The following SERPINB12 variants were observed in gnomAD, a reference collection of about 807,000 sequenced individuals.
The protein encoded by SERPINB12 is serpin family B member 12.
A neutral mutation model predicts 41.1 loss-of-function variants in SERPINB12; 57 were observed. The ratio of observed to expected loss-of-function variants is 1.39; its 90% CI spans 1.12 to 1.73. The LOEUF (loss-of-function observed/expected upper bound fraction) is 1.73, where lower values mean the gene tolerates loss of function less well. SERPINB12 is among the 40% of genes most tolerant of loss of function. The pLI, the probability that SERPINB12 is intolerant of heterozygous loss-of-function variation, is 0.00. For missense variants in SERPINB12, 536 were observed against 501.9 expected (o/e 1.07, Z -0.65); for synonymous variants, 180 against 181.3 (o/e 0.99, Z 0.06).
At chr18:63,532,655 T>TA in the SERPINB12 span, among the ~76,000 whole-genome samples, 1 of 152,168 alleles carries the variant, frequency 6.6e-6, no homozygotes, top group Non-Finnish European at 1.5e-5. Context: ...TGTTTGAGAT[T>TA]AAAGAGGTTG....
At chr18:63,530,634 G>A in the SERPINB12 span, among the ~76,000 whole-genome samples, 14 of 152,246 alleles carry the variant, frequency 9.2e-5, no homozygotes, top group East Asian at 1.7e-3. Flanking sequence ...CTCAATGCCC[G>A]ATGTCAAGTT....
the SERPINB12 span, among the ~76,000 whole-genome samples, chr18:63,523,372 C>T: frequency 5.9e-5 from 9 of 152,158 alleles, no homozygotes; most frequent in Non-Finnish European, 1.2e-4. Flanking sequence ...ATATTTGTTT[C>T]CTAGGCCAAT....
At chr18:63,563,374 A>T (rs186535243) in intron 5 of SERPINB12, among the ~76,000 whole-genome samples, 161 of 152,342 alleles carry the variant, frequency 1.1e-3, no homozygotes, top group Non-Finnish European at 1.7e-3. Context: ...AAGATAAACC[A>T]TAGTATAAGA....
Position 63,568,626 on chromosome 18 carries a change from C to T in SERPINB12, c.*1615C>T, listed in dbSNP as rs1911193193. Among the ~76,000 whole-genome samples, 3 of 152,098 alleles carry T rather than the reference C, an allele frequency of 2.0e-5. No individual in the cohort carries two copies. In the South Asian group the frequency reaches 6.2e-4, roughly 32 times the overall value. ...CATCTCTTTGGAGTCAGTCTCTTTCCTATCGAGGTGGGTTTCAGGTCTTGC... is the reference window on the plus strand; with the variant it reads ...CATCTCTTTGGAGTCAGTCTCTTTCTTATCGAGGTGGGTTTCAGGTCTTGC... On this transcript the variant is annotated 3_prime_UTR_variant, in exon 8 of 8. Coordinates refer to ENST00000382768, the MANE Select transcript of SERPINB12 (RefSeq NM_001307928.2).
chr18:63,546,651 T>C (rs1269328597), intron 1 of SERPINB12, among the ~76,000 whole-genome samples: 1 of 152,208 alleles, frequency 6.6e-6, no homozygotes, highest in East Asian at 1.9e-4. Context: ...AAATTTGAAT[T>C]GAAAAGTGTG....
intron 6 of SERPINB12, 33 bp from the exon 7 acceptor site, chr18:63,565,412 C>T (rs752608973): frequency 1.9e-6 from 3 of 1,593,926 alleles, no homozygotes; most frequent in Non-Finnish European, 8.6e-7. Context: ...TTTCCCATAG[C>T]CGTCCTGTGA....
chr18:63,537,788 C>T (rs1225525356), upstream of SERPINB12, among the ~76,000 whole-genome samples: 2 of 152,114 alleles, frequency 1.3e-5, no homozygotes, highest in Non-Finnish European at 2.9e-5. Flanking sequence ...CACTTAATGA[C>T]TAATCTTCAG....
Position 63,568,590 on chromosome 18 carries a change from C to T in SERPINB12, c.*1579C>T, listed in dbSNP as rs1477921991. On this transcript the variant is annotated 3_prime_UTR_variant, in exon 8 of 8. Coordinates refer to ENST00000382768, the MANE Select transcript of SERPINB12 (RefSeq NM_001307928.2). Reference sequence around the variant, plus strand: ...GAATGTTCTGCCATGACCACTGACACGTCCAACTCACATCTCTTTGGAGTC... The same window carrying T: ...GAATGTTCTGCCATGACCACTGACATGTCCAACTCACATCTCTTTGGAGTC... Among the ~76,000 whole-genome samples, 1 of 152,130 alleles carries T rather than the reference C, an allele frequency of 6.6e-6. No individual in the cohort carries two copies. The highest frequency in any genetic ancestry group is 6.6e-5 in the Admixed American group (1 of 15,266).
At chr18:63,540,684 A>C (rs568006655), upstream of SERPINB12, among the ~76,000 whole-genome samples, 219 of 152,292 alleles carry the variant, frequency 1.4e-3, no homozygotes, top group African/African-American at 4.7e-3. Flanking sequence ...TAACACCTTG[A>C]TATTCTATGC....
At chr18:63,550,460 T>C (rs1910495669) in intron 1 of SERPINB12, among the ~76,000 whole-genome samples, 1 of 152,220 alleles carries the variant, frequency 6.6e-6, no homozygotes, top group South Asian at 2.1e-4. Flanking sequence ...TGTCTTAAAA[T>C]TAAATGCCAT....
At chr18:63,528,056 G>A in the SERPINB12 span, among the ~76,000 whole-genome samples, 1 of 152,066 alleles carries the variant, frequency 6.6e-6, no homozygotes, top group African/African-American at 2.4e-5. Flanking sequence ...CTTCCACCAT[G>A]ATTGTGAGGC....
rs1320572262 is a variant in SERPINB12 at position 63,568,608 on chromosome 18, T to C, written c.*1597T>C. 2.0e-5 allele frequency among the ~76,000 whole-genome samples: 3 copies of C among 152,130 alleles called. No individual in the cohort carries two copies. The highest frequency in any genetic ancestry group is 7.2e-5 in the African/African-American group (3 of 41,426). On this transcript the variant is annotated 3_prime_UTR_variant, in exon 8 of 8. Transcript: ENST00000382768. ...ACTGACACGTCCAACTCACATCTCTTTGGAGTCAGTCTCTTTCCTATCGAG... is the reference window on the plus strand; with the variant it reads ...ACTGACACGTCCAACTCACATCTCTCTGGAGTCAGTCTCTTTCCTATCGAG...
the SERPINB12 span, among the ~76,000 whole-genome samples, chr18:63,520,245 A>G: frequency 6.6e-6 from 1 of 152,224 alleles, no homozygotes; most frequent in African/African-American, 2.4e-5. Context: ...TGGAGCACAC[A>G]GAGAACAAGT....
Position 63,567,044 on chromosome 18 carries a change from A to G in SERPINB12, c.*33A>G. The G allele has an allele frequency of 6.6e-7, 1 of 1,519,408 alleles. No homozygotes were observed. Among genetic ancestry groups the G allele is most frequent in the Non-Finnish European group, 8.8e-7 (1 of 1,135,548 alleles). The allele number at this position is 1,519,408 out of a possible 1,614,324, so 94.1% of individuals were successfully genotyped here. A position where few individuals can be genotyped will look rare whatever the true frequency, so the allele number is the denominator to read the frequency against. ...GCAGTGTCTAGTACTTTGGAGCTGG[A>G]GGAAAATATCAATACAATCTTCCCC... On this transcript the variant is annotated 3_prime_UTR_variant, in exon 8 of 8. Transcript: ENST00000382768.
chr18:63,562,869 C>G (rs1450816112), intron 5 of SERPINB12, among the ~76,000 whole-genome samples: 1 of 152,166 alleles, frequency 6.6e-6, no homozygotes, highest in African/African-American at 2.4e-5. Flanking sequence ...CTTAAGACAT[C>G]TGCAAATATT....
At chr18:63,541,547 A>C (rs950803342), upstream of SERPINB12, among the ~76,000 whole-genome samples, 2 of 152,180 alleles carry the variant, frequency 1.3e-5, no homozygotes, top group African/African-American at 4.8e-5. Context: ...CCAAGCATGC[A>C]TTATTTTTCT....
chr18:63,521,124 A>G, the SERPINB12 span, among the ~76,000 whole-genome samples: 1 of 152,144 alleles, frequency 6.6e-6, no homozygotes, highest in Admixed American at 6.5e-5. Context: ...TGAGGTTGTG[A>G]TGTCCTTTGT....
In SERPINB12 at chr18:63,556,292, G is replaced by A. The variant is rs144139688; in HGVS notation, c.133G>A (p.Gly45Ser). 5 of 1,613,862 alleles carry A rather than the reference G, an allele frequency of 3.1e-6. No homozygotes were observed. The highest frequency in any genetic ancestry group is 4.2e-6 in the Non-Finnish European group (5 of 1,179,940). Residue 45 changes from glycine to serine, a missense_variant, in exon 2 of 8, where the codon GGT becomes AGT. Transcript: ENST00000382768. ...AGCTGCCCTTGGTATGGTACGCTTG[G>A]GTGCTAGAAGTGACAGTGCACATCA... ...LSAALGMVRLGARSDSAHQID... is the reference protein window; with the variant it reads ...LSAALGMVRLSARSDSAHQID...
the SERPINB12 span, among the ~76,000 whole-genome samples, chr18:63,532,605 G>A: frequency 2.6e-5 from 4 of 152,144 alleles, no homozygotes; most frequent in African/African-American, 4.8e-5. Context: ...CTACTCTACG[G>A]TTTTGTCTTA....
Sources: gnomAD v4.1 joint callset for allele counts (sites outside exome capture counted in the v4.1 genomes callset) on GRCh38, gnomAD v4.1.1 for gene constraint, MANE v1.5 for transcripts, NCBI Gene and HGNC (gene_info 2026-07-23, HGNC 2026-07-21) for gene names.